SFSWAP: variants seen among roughly 807,000 people sequenced by gnomAD.
The protein encoded by SFSWAP is splicing factor SWAP.
Under a neutral mutation model 100.7 loss-of-function variants are expected in SFSWAP, and 17 were observed. The ratio of observed to expected loss-of-function variants is 0.17; its 90% CI spans 0.12 to 0.25. The LOEUF is 0.25. SFSWAP is among the 10% of genes least tolerant of loss of function. The pLI, the probability that SFSWAP is intolerant of heterozygous loss-of-function variation, is 1.00. For synonymous variants in SFSWAP, 504 were observed against 510.1 expected, an observed-to-expected ratio of 0.99 and a Z score of 0.16; for missense variants, 1,005 against 1,262.6, an observed-to-expected ratio of 0.80 and a Z score of 3.09.
intron 11 of SFSWAP, among the ~76,000 whole-genome samples, chr12:131,762,896 GC>G (rs1566037376): frequency 6.6e-6 from 1 of 152,138 alleles, no homozygotes; most frequent in Non-Finnish European, 1.5e-5. Context: ...ACTGCACCCG[GC>G]CAATTTTTTT....
chr12:131,727,760 T>C (rs1049772642), intron 6 of SFSWAP, among the ~76,000 whole-genome samples: 7 of 152,242 alleles, frequency 4.6e-5, no homozygotes, highest in African/African-American at 1.7e-4. Context: ...ATAAATATTT[T>C]CACTTCTAAT....
chr12:131,785,233 C>CT lies in SFSWAP; in HGVS notation c.2409-1229dup, dbSNP rs774001509. The CT allele has an allele frequency of 2.4e-5, 37 of 1,530,568 alleles. No homozygotes were observed. In the South Asian group the frequency reaches 3.2e-4, roughly 13 times the overall value. 94.8% of individuals were successfully genotyped at this position (1,530,568 alleles called of 1,614,324 possible). A position where few individuals can be genotyped will look rare whatever the true frequency, so the allele number is the denominator to read the frequency against. On this transcript the variant is annotated intron_variant, in intron 14 of 17. Coordinates refer to ENST00000261674, the MANE Select transcript of SFSWAP (RefSeq NM_004592.4). ...AAAACCTGGTAAAACGTCAAGGTGT[C>CT]TAACTGACCTCGCCTTTATCATCTG...
At chr12:131,736,245 T>C (rs1254479714) in intron 7 of SFSWAP, among the ~76,000 whole-genome samples, 1 of 152,170 alleles carries the variant, frequency 6.6e-6, no homozygotes, top group Non-Finnish European at 1.5e-5. Context: ...AAAGAGCTAT[T>C]TGGAAAACAT....
intron 16 of SFSWAP, among the ~76,000 whole-genome samples, chr12:131,798,707 T>A (rs981934043): frequency 4.6e-5 from 7 of 152,066 alleles, no homozygotes; most frequent in African/African-American, 1.7e-4. Context: ...CTGACCAATA[T>A]GGTGAAACCC....
rs1212447978 is a variant in SFSWAP at position 131,765,792 on chromosome 12, CG to C, written c.1952-324del. 5.1e-5 allele frequency among the ~76,000 whole-genome samples: 7 copies of C among 138,234 alleles called. No individual in the cohort carries two copies. The South Asian group carries it at 7.4e-4, about 15-fold the overall frequency. 90.7% of individuals were successfully genotyped at this position (138,234 alleles called of 152,430 possible). ...TCCTGTGTGTAAACTAACCAACTGT[CG>C]GATCATTTGGAATAAAACACTTATA... is the stretch of plus-strand genomic sequence containing the variant. On this transcript the variant is annotated intron_variant, in intron 12 of 17. Transcript: ENST00000261674.
intron 14 of SFSWAP, among the ~76,000 whole-genome samples, chr12:131,783,118 T>C (rs1450287039): frequency 6.6e-6 from 1 of 150,968 alleles, no homozygotes; most frequent in African/African-American, 2.4e-5. Context: ...GAGGTGGAGA[T>C]TGCAGTGAGC....
At chr12:131,747,977 A>G (rs1357783609) in intron 7 of SFSWAP, among the ~76,000 whole-genome samples, 4 of 152,210 alleles carry the variant, frequency 2.6e-5, no homozygotes, top group Non-Finnish European at 4.4e-5. Context: ...ACCGAGAGGC[A>G]TGGCCGCTGC....
chr12:131,755,561 C>G, intron 10 of SFSWAP, 82 bp downstream of exon 10: 1 of 941,988 alleles, frequency 1.1e-6, no homozygotes, highest in East Asian at 2.4e-5. Flanking sequence ...TCTGTTTCTT[C>G]TCCTACAGGT....
At chr12:131,799,155 G>C in intron 17 of SFSWAP, 46 bp downstream of exon 17, 2 of 1,462,506 alleles carry the variant, frequency 1.4e-6, no homozygotes, top group East Asian at 4.5e-5. Flanking sequence ...TCATCAAGGG[G>C]CCTCGTGGTT....
At chr12:131,712,224 T>TA (rs1877434824) in intron 1 of SFSWAP, 1 of 152,184 alleles carries the variant, frequency 6.6e-6, no homozygotes, top group Non-Finnish European at 1.5e-5. Context: ...AAACCTGCTT[T>TA]AGGTCGTCAC....
At chr12:131,732,598 C>T (rs1190250640) in intron 7 of SFSWAP, among the ~76,000 whole-genome samples, 1 of 152,196 alleles carries the variant, frequency 6.6e-6, no homozygotes, top group Non-Finnish European at 1.5e-5. Context: ...TGGCTGCTCT[C>T]GGCTTGCTCC....
chr12:131,711,204 C>T lies in SFSWAP; in HGVS notation c.-26C>T, dbSNP rs113599735. ...GGACGTCGCGCGGCACAGAAGAGGA[C>T]CAGCCTGGACGCCGGGGACGCTGTC... is the stretch of plus-strand genomic sequence containing the variant. On this transcript the variant is annotated 5_prime_UTR_variant, in exon 1 of 18. Transcript: ENST00000261674. This position sits in a 1 kb window ranked among gnomAD's most constrained non-coding sequence, Gnocchi z 4.9. 8.4e-6 allele frequency: 13 copies of T among 1,554,122 alleles called. No homozygotes were observed. Among genetic ancestry groups the T allele is most frequent in the African/African-American group, 6.8e-5 (5 of 73,802 alleles).
chr12:131,722,252 A>G (rs927603370), intron 4 of SFSWAP, among the ~76,000 whole-genome samples: 8 of 152,180 alleles, frequency 5.3e-5, no homozygotes, highest in African/African-American at 9.7e-5. Flanking sequence ...ATGAAGAGTA[A>G]GAAGTAGTTA....
At chr12:131,747,341 G>A (rs1006967884) in intron 7 of SFSWAP, among the ~76,000 whole-genome samples, 2 of 152,188 alleles carry the variant, frequency 1.3e-5, no homozygotes, top group Non-Finnish European at 2.9e-5. Flanking sequence ...GAGGCCAGCA[G>A]TGCTGGCATC....
intron 7 of SFSWAP, among the ~76,000 whole-genome samples, chr12:131,740,976 T>TC (rs1238649827): frequency 7.4e-6 from 1 of 135,116 alleles, no homozygotes; most frequent in Admixed American, 7.4e-5. Context: ...CTTTTTTTTT[T>TC]TTTTTTTTTT....
At chr12:131,744,224 C>T (rs1365770944) in intron 7 of SFSWAP, among the ~76,000 whole-genome samples, 4 of 152,242 alleles carry the variant, frequency 2.6e-5, no homozygotes, top group Non-Finnish European at 4.4e-5. Flanking sequence ...CTGAATTTCT[C>T]CTCAGAAAAT....
chr12:131,786,709 TC>T, intron 15 of SFSWAP, 121 bp downstream of exon 15: 1 of 1,061,654 alleles, frequency 9.4e-7, no homozygotes, highest in Non-Finnish European at 1.3e-6. Context: ...AGGTGCTGAG[TC>T]CCCCACCACC....
chr12:131,713,999 T>C, intron 1 of SFSWAP, 72 bp from the exon 2 acceptor site: 3 of 1,094,152 alleles, frequency 2.7e-6, no homozygotes, highest in South Asian at 1.5e-5. Flanking sequence ...TATATACATA[T>C]ATAAAACATC....
intron 10 of SFSWAP, among the ~76,000 whole-genome samples, chr12:131,755,713 T>C (rs1179224232): frequency 2.0e-5 from 3 of 152,250 alleles, no homozygotes; most frequent in Admixed American, 2.0e-4. Flanking sequence ...TCCAGCACGT[T>C]CTAAACAAAC....
Sources: gnomAD v4.1 joint callset for allele counts (sites outside exome capture counted in the v4.1 genomes callset) on GRCh38, gnomAD v4.1.1 for gene constraint, Gnocchi (gnomAD v3.1) non-coding constraint, MANE v1.5 for transcripts, NCBI Gene and HGNC (gene_info 2026-07-23, HGNC 2026-07-21) for gene names.